The following SIMC1 variants were observed in gnomAD, a reference collection of about 807,000 sequenced individuals.
The protein encoded by SIMC1 is SUMO-interacting motif-containing protein 1.
SIMC1 carries 55 observed loss-of-function variants against 82.3 expected under a neutral mutation model. The observed-to-expected ratio is 0.67, with a 90% CI of 0.54 to 0.84. SIMC1 has a LOEUF of 0.84. Among genes scored for constraint, SIMC1 ranks in the 40% least tolerant of loss-of-function variants. The probability of loss-of-function intolerance (pLI) is 0.00; values close to 1 mark genes in which losing one functional copy is unlikely to be tolerated. For synonymous variants in SIMC1, 353 were observed against 426.3 expected (o/e 0.83, Z 2.12); for missense variants, 915 against 1,107.2 (o/e 0.83, Z 2.46).
intron 1 of SIMC1, among the ~76,000 whole-genome samples, chr5:176,286,790 AAATC>A (rs1763305664): frequency 6.6e-6 from 1 of 151,866 alleles, no homozygotes; most frequent in Non-Finnish European, 1.5e-5. Flanking sequence ...TTACAAGAAA[AAATC>A]AACCCTATCA....
intron 1 of SIMC1, among the ~76,000 whole-genome samples, chr5:176,252,178 C>T (rs1364621071): frequency 8.6e-5 from 13 of 150,698 alleles, no homozygotes; most frequent in Admixed American, 6.6e-5. Context: ...GCGCCCCTCA[C>T]CTCCCGGACG....
At chr5:176,301,848 A>G (rs1764056889) in intron 4 of SIMC1, among the ~76,000 whole-genome samples, 1 of 152,098 alleles carries the variant, frequency 6.6e-6, no homozygotes, top group Non-Finnish European at 1.5e-5. Flanking sequence ...ATAAATGTTG[A>G]TGAAGAAATC....
intron 5 of SIMC1, among the ~76,000 whole-genome samples, chr5:176,315,534 T>G (rs1351226955): frequency 6.6e-6 from 1 of 152,206 alleles, no homozygotes; most frequent in African/African-American, 2.4e-5. Flanking sequence ...CATCCCTTGC[T>G]TTTTTGGAAA....
At chr5:176,301,230 C>G (rs978623187) in intron 4 of SIMC1, among the ~76,000 whole-genome samples, 1 of 152,086 alleles carries the variant, frequency 6.6e-6, no homozygotes, top group East Asian at 1.9e-4. Context: ...TTTTCCTGTG[C>G]TGTTCTCATA....
chr5:176,289,899 T>G lies in SIMC1; in HGVS notation c.375T>G (p.Ile125Met), dbSNP rs1377301078. ...CTCAGCCTACAGCACGGAGAATCAT[T>G]AACAGTGATCCTGTAGATTTGGACC... ...RSSQPTARRIINSDPVDLDLV... is the reference protein window; with the variant it reads ...RSSQPTARRIMNSDPVDLDLV... The change falls in exon 2 of 10, where the codon ATT becomes ATG. Residue 125 changes from isoleucine (I) to methionine (M), a missense_variant. Physicochemically the swap from Ile to Met is conservative, Grantham distance 10. Transcript: ENST00000429602. 1 of 1,613,702 alleles carries G rather than the reference T, an allele frequency of 6.2e-7. No homozygotes were observed. Among genetic ancestry groups the G allele is most frequent in the African/African-American group, 1.3e-5 (1 of 74,876 alleles).
chr5:176,245,505 A>G (rs1275913238), intron 1 of SIMC1, among the ~76,000 whole-genome samples: 1 of 152,204 alleles, frequency 6.6e-6, no homozygotes, highest in Non-Finnish European at 1.5e-5. Context: ...CTAGGAAACT[A>G]ATATAGCCTC....
Position 176,289,942 on chromosome 5 carries a change from T to G in SIMC1, c.418T>G (p.Phe140Val), listed in dbSNP as rs1244229395. ...VDLDLVEENTFVGPPPATSIS... is the reference protein window; with the variant it reads ...VDLDLVEENTVVGPPPATSIS... ...TTTGGACCTAGTGGAAGAAAACACCTTTGTAGGTCCCCCACCCGCTACATC... is the reference window on the plus strand; with the variant it reads ...TTTGGACCTAGTGGAAGAAAACACCGTTGTAGGTCCCCCACCCGCTACATC... The change falls in exon 2 of 10, where the codon TTT becomes GTT. Residue 140 changes from phenylalanine (F) to valine (V), a missense_variant. Phe to Val is a conservative substitution (Grantham distance 50). Coordinates refer to ENST00000429602, the MANE Select transcript of SIMC1 (RefSeq NM_001308195.2). 2.5e-6 allele frequency: 4 copies of G among 1,613,828 alleles called. No homozygotes were observed. Among genetic ancestry groups the G allele is most frequent in the Non-Finnish European group, 3.4e-6 (4 of 1,179,856 alleles).
intron 5 of SIMC1, 85 bp downstream of exon 5, chr5:176,313,930 G>T (rs1038365617): frequency 3.8e-6 from 6 of 1,567,052 alleles, no homozygotes; most frequent in Non-Finnish European, 5.2e-6. Flanking sequence ...TCAGCCAGGT[G>T]AGGTTTTCTA....
At chr5:176,322,990 G>A (rs1765229259) in intron 6 of SIMC1, among the ~76,000 whole-genome samples, 1 of 152,122 alleles carries the variant, frequency 6.6e-6, no homozygotes, top group Non-Finnish European at 1.5e-5. Flanking sequence ...GGAGATTAGG[G>A]GCTGGGGCTA....
chr5:176,322,191 A>G (rs1765192951), intron 5 of SIMC1, 82 bp from the exon 6 acceptor site: 12 of 1,458,710 alleles, frequency 8.2e-6, no homozygotes, highest in South Asian at 1.4e-5. Flanking sequence ...TACAACAGAC[A>G]TGGAAACCTT....
At chr5:176,321,631 T>C (rs1360484396) in intron 5 of SIMC1, among the ~76,000 whole-genome samples, 3 of 152,134 alleles carry the variant, frequency 2.0e-5, no homozygotes, top group Non-Finnish European at 4.4e-5. Context: ...TGACTGTATG[T>C]TTTTACCTTA....
intron 6 of SIMC1, 80 bp from the exon 7 acceptor site, chr5:176,324,549 T>G: frequency 6.8e-7 from 1 of 1,469,650 alleles, no homozygotes; most frequent in Non-Finnish European, 9.2e-7. Flanking sequence ...CGATGTACAC[T>G]GGTGGGGACC....
At position 176,308,092 on chromosome 5, in the gene SIMC1, G is replaced by A. The variant is rs1480618584; in HGVS notation, c.1735-5599G>A. ...CAGTGCAGGTGGTGCAGGCGGTGCAGGCAGTTCATCTAGAGTCTGACACTT... is the reference window on the plus strand; with the variant it reads ...CAGTGCAGGTGGTGCAGGCGGTGCAAGCAGTTCATCTAGAGTCTGACACTT... On this transcript the variant is annotated intron_variant, in intron 4 of 9. Coordinates refer to ENST00000429602, the MANE Select transcript of SIMC1 (RefSeq NM_001308195.2). The A allele has an allele frequency of 9.2e-6, 7 of 760,846 alleles. No individual in the cohort carries two copies. The East Asian group carries it at 1.8e-4, about 20-fold the overall frequency. 47.1% of individuals were successfully genotyped at this position (760,846 alleles called of 1,614,324 possible). A position where few individuals can be genotyped will look rare whatever the true frequency, so the allele number is the denominator to read the frequency against.
At chr5:176,250,614 G>C (rs1231145838) in intron 1 of SIMC1, among the ~76,000 whole-genome samples, 5 of 152,174 alleles carry the variant, frequency 3.3e-5, no homozygotes, top group African/African-American at 4.8e-5. Context: ...TTGTAGGTCT[G>C]TAAGAACTTG....
chr5:176,242,162 T>C (rs1454379778), intron 1 of SIMC1, among the ~76,000 whole-genome samples: 3 of 152,088 alleles, frequency 2.0e-5, no homozygotes, highest in Admixed American at 1.3e-4. Context: ...CTCACAACAC[T>C]TGAGCCCACC....
chr5:176,271,107 C>G lies in SIMC1; in HGVS notation c.130-18547C>G, dbSNP rs1581234118. On this transcript the variant is annotated intron_variant, in intron 1 of 9. Coordinates refer to ENST00000429602, the MANE Select transcript of SIMC1 (RefSeq NM_001308195.2). ...GGGGCCAGGCATGGTGGCCTGTAAT[C>G]CCAGCACTTTGGGAGGCCAAGGTGG... Among the ~76,000 whole-genome samples, 4 of 152,278 alleles carry G rather than the reference C, an allele frequency of 2.6e-5. No homozygotes were observed. In the East Asian group the frequency reaches 7.7e-4, roughly 29 times the overall value.
chr5:176,342,544 T>C (rs2113425856), intron 9 of SIMC1, among the ~76,000 whole-genome samples: 1 of 152,294 alleles, frequency 6.6e-6, no homozygotes, highest in East Asian at 1.9e-4. Flanking sequence ...AAGTCCAAGG[T>C]CGAGGGGCTG....
intron 1 of SIMC1, among the ~76,000 whole-genome samples, chr5:176,271,341 C>G (rs1279826254): frequency 2.0e-5 from 3 of 151,980 alleles, no homozygotes; most frequent in African/African-American, 7.3e-5. Context: ...GCCTGGGTGA[C>G]AGAGCAAGGC....
chr5:176,247,806 G>A (rs1252969048), intron 1 of SIMC1, among the ~76,000 whole-genome samples: 1 of 151,638 alleles, frequency 6.6e-6, no homozygotes, highest in Non-Finnish European at 1.5e-5. Flanking sequence ...AAGGGGCCCG[G>A]TTTCAGTTTT....
Sources: gnomAD v4.1 joint callset for allele counts (sites outside exome capture counted in the v4.1 genomes callset) on GRCh38, gnomAD v4.1.1 for gene constraint, MANE v1.5 for transcripts, NCBI Gene and HGNC (gene_info 2026-07-23, HGNC 2026-07-21) for gene names.